The following RAD50 variants were observed in gnomAD, a reference collection of about 807,000 sequenced individuals.
RAD50 encodes DNA repair protein RAD50.
A neutral mutation model predicts 168.8 loss-of-function variants in RAD50; 132 were observed. That is an observed-to-expected ratio of 0.78 (90% CI 0.68 to 0.90). The LOEUF is 0.90. RAD50 is among the 40% of genes least tolerant of loss of function. The pLI is 0.00. For synonymous variants in RAD50, 525 were observed against 497.4 expected, an observed-to-expected ratio of 1.06 and a Z score of -0.74; for missense variants, 1,347 against 1,534.4, an observed-to-expected ratio of 0.88 and a Z score of 2.04.
chr5:132,575,376 A>T (rs963051484), intron 2 of RAD50, among the ~76,000 whole-genome samples: 1 of 152,204 alleles, frequency 6.6e-6, no homozygotes, highest in African/African-American at 2.4e-5. Flanking sequence ...CCCATGATTC[A>T]ATTACCTTCA....
chr5:132,617,071 G>A (rs1751189385), intron 20 of RAD50, among the ~76,000 whole-genome samples: 1 of 152,052 alleles, frequency 6.6e-6, no homozygotes. Context: ...TGCACACTTA[G>A]ACCCAGAAAA....
chr5:132,597,202 C>T (rs1188448825), intron 13 of RAD50, among the ~76,000 whole-genome samples: 1 of 152,028 alleles, frequency 6.6e-6, no homozygotes, highest in East Asian at 1.9e-4. Flanking sequence ...CCTGGAAAAC[C>T]AAGGAGGAGT....
chr5:132,640,288 C>T (rs987708614), intron 23 of RAD50, among the ~76,000 whole-genome samples: 1 of 152,220 alleles, frequency 6.6e-6, no homozygotes, highest in South Asian at 2.1e-4. Context: ...ATCCCATTAT[C>T]AGGCAAATAG....
rs587780153 is a variant in RAD50, at chr5:132,609,285, AAAAG to A, written c.2929_2932del (p.Glu977LeufsTer6). 2.2e-5 allele frequency: 36 copies of A among 1,611,010 alleles called. No individual in the cohort carries two copies. The South Asian group carries it at 4.0e-4, about 18-fold the overall frequency. Reference sequence around the variant, plus strand: ...TTAAAGAATTTTCTTTTTTGTAGCAAAAAGAAACTGAACTTAATAAAGTAATAGC... The same window carrying A: ...TTAAAGAATTTTCTTTTTTGTAGCAAAAACTGAACTTAATAAAGTAATAGC... On this transcript the variant is annotated frameshift_variant, in exon 19 of 25. Coordinates refer to ENST00000378823, the MANE Select transcript of RAD50 (RefSeq NM_005732.4). LOFTEE classifies it high-confidence loss of function.
chr5:132,620,107 G>A lies in RAD50; in HGVS notation c.3389+1813G>A, dbSNP rs552803012. On this transcript the variant is annotated intron_variant, in intron 21 of 24. Coordinates refer to ENST00000378823, the MANE Select transcript of RAD50 (RefSeq NM_005732.4). Reference sequence around the variant, plus strand: ...TTTTTAGTAGAGATGGGGTTTCACCGTGTTAGCCAGGATGGTCTCGATTTC... The same window carrying A: ...TTTTTAGTAGAGATGGGGTTTCACCATGTTAGCCAGGATGGTCTCGATTTC... Among the ~76,000 whole-genome samples, 16 of 151,750 alleles carry A rather than the reference G, an allele frequency of 1.1e-4. 1 individual carries two copies. In the South Asian group the frequency reaches 1.9e-3, roughly 18 times the overall value.
rs772241495 is a variant in RAD50, at chr5:132,591,871, C to A, written c.1636-6C>A. On this transcript the variant is annotated splice_polypyrimidine_tract_variant and splice_region_variant and intron_variant, in intron 10 of 24. Coordinates refer to ENST00000378823, the MANE Select transcript of RAD50 (RefSeq NM_005732.4). ...TATTTTTAAAAGATTTTTTTTTTAC[C>A]TATAGGCTGACAAAGATGAACAAAT... The A allele has an allele frequency of 6.3e-7, 1 of 1,581,500 alleles. No individual in the cohort carries two copies. Among genetic ancestry groups the A allele is most frequent in the Non-Finnish European group, 8.7e-7 (1 of 1,155,104 alleles).
chr5:132,560,842 A>C (rs1400840848), intron 2 of RAD50, among the ~76,000 whole-genome samples: 1 of 152,112 alleles, frequency 6.6e-6, no homozygotes, highest in Non-Finnish European at 1.5e-5. Flanking sequence ...CTTTACTCCA[A>C]TTTACCCTCT....
rs1554098706 is a variant in RAD50 at position 132,595,758 on chromosome 5, C to CT, written c.2156dup (p.Glu723GlyfsTer5). On this transcript the variant is annotated frameshift_variant, in exon 13 of 25. Transcript: ENST00000378823. LOFTEE classifies it high-confidence loss of function. ...TAAACTCAAGTCAACAGAATCAGAG[C>CT]TAAAAAAAAAGGAAAAGCGGCGTGA... 6.2e-7 allele frequency: 1 copy of CT among 1,612,588 alleles called. No individual in the cohort carries two copies. Among genetic ancestry groups the CT allele is most frequent in the Non-Finnish European group, 8.5e-7 (1 of 1,179,242 alleles).
chr5:132,565,681 C>T (rs1750195352), intron 2 of RAD50, among the ~76,000 whole-genome samples: 1 of 152,150 alleles, frequency 6.6e-6, no homozygotes. Flanking sequence ...TGGCTTCTTG[C>T]AAGAATGCCG....
chr5:132,611,870 A>G (rs1751094176), intron 19 of RAD50, among the ~76,000 whole-genome samples: 1 of 152,174 alleles, frequency 6.6e-6, no homozygotes, highest in Admixed American at 6.6e-5. Flanking sequence ...TAAAAAAAAT[A>G]CAGTGTATCT....
At chr5:132,623,326 A>T (rs1169784943) in intron 21 of RAD50, among the ~76,000 whole-genome samples, 1 of 152,178 alleles carries the variant, frequency 6.6e-6, no homozygotes, top group Non-Finnish European at 1.5e-5. Flanking sequence ...TAAAAAAAAT[A>T]CAAAAATTAG....
chr5:132,567,082 A>G (rs1750222580), intron 2 of RAD50, among the ~76,000 whole-genome samples: 1 of 152,250 alleles, frequency 6.6e-6, no homozygotes, highest in African/African-American at 2.4e-5. Context: ...GAAACCTACA[A>G]AGTGCCTGTA....
chr5:132,596,244 C>G (rs1478167469), intron 13 of RAD50, among the ~76,000 whole-genome samples: 1 of 152,180 alleles, frequency 6.6e-6, no homozygotes, highest in African/African-American at 2.4e-5. Context: ...GATTGGCCCA[C>G]CTCGGCCTCC....
rs1750012706 is a variant in RAD50 at position 132,557,168 on chromosome 5, T to C, written c.-157T>C. 1.0e-6 allele frequency: 1 copy of C among 1,000,800 alleles called. No individual in the cohort carries two copies. The highest frequency in any genetic ancestry group is 1.5e-6 in the Non-Finnish European group (1 of 649,638). The allele number at this position is 1,000,800 out of a possible 1,614,324, so 62.0% of individuals were successfully genotyped here. ...CCGCCCCCTCTCTCCCGCTGTTGGC[T>C]GGCAGGATCTTTTGGCAGTCCTGTG... is the stretch of plus-strand genomic sequence containing the variant. On this transcript the variant is annotated 5_prime_UTR_variant, in exon 1 of 25. Transcript: ENST00000378823.
chr5:132,581,094 G>T (rs1024534445), intron 5 of RAD50, among the ~76,000 whole-genome samples: 1 of 151,870 alleles, frequency 6.6e-6, no homozygotes, highest in Non-Finnish European at 1.5e-5. Context: ...ATACATGTTT[G>T]TATTTATTTA....
chr5:132,570,410 A>C (rs895319807), intron 2 of RAD50, among the ~76,000 whole-genome samples: 1 of 152,250 alleles, frequency 6.6e-6, no homozygotes, highest in Non-Finnish European at 1.5e-5. Flanking sequence ...TCTTGTCTAC[A>C]TTGAAAATCT....
intron 13 of RAD50, among the ~76,000 whole-genome samples, chr5:132,600,524 T>G (rs1047187228): frequency 6.6e-6 from 1 of 152,180 alleles, no homozygotes; most frequent in African/African-American, 2.4e-5. Flanking sequence ...ATATTTTCAT[T>G]TAAAGCCTCA....
At chr5:132,584,425 G>A (rs1044905698) in intron 5 of RAD50, among the ~76,000 whole-genome samples, 1 of 152,100 alleles carries the variant, frequency 6.6e-6, no homozygotes, top group African/African-American at 2.4e-5. Context: ...TGTCAGATGA[G>A]TTGATTGCAA....
chr5:132,583,125 T>C (rs1170681849), intron 5 of RAD50, among the ~76,000 whole-genome samples: 1 of 152,250 alleles, frequency 6.6e-6, no homozygotes, highest in Non-Finnish European at 1.5e-5. Context: ...TGTTAGACTC[T>C]ACTCAAAAGG....
Sources: gnomAD v4.1 joint callset for allele counts (sites outside exome capture counted in the v4.1 genomes callset) on GRCh38, gnomAD v4.1.1 for gene constraint, MANE v1.5 for transcripts, NCBI Gene and HGNC (gene_info 2026-07-23, HGNC 2026-07-21) for gene names.